Variants in TRIOBP observed in about 807,000 individuals in gnomAD.
TRIOBP encodes TRIO and F-actin-binding protein.
In TRIOBP, 169 loss-of-function variants were observed where a neutral mutation model predicts 238.8. The ratio of observed to expected loss-of-function variants is 0.71; its 90% CI spans 0.62 to 0.80. The LOEUF is 0.80. TRIOBP is among the 30% of genes least tolerant of loss of function. The probability of loss-of-function intolerance (pLI) is 0.00; values close to 1 mark genes in which losing one functional copy is unlikely to be tolerated. For missense variants in TRIOBP, 2,838 were observed against 3,122.6 expected, an observed-to-expected ratio of 0.91 and a Z score of 2.17; for synonymous variants, 1,150 against 1,274.4, an observed-to-expected ratio of 0.90 and a Z score of 2.08.
rs1925873219 is a variant in TRIOBP at position 37,755,538 on chromosome 22, GT to G, written c.5578-11del. On this transcript the variant is annotated splice_polypyrimidine_tract_variant and intron_variant, in intron 14 of 23. Transcript: ENST00000644935. ...GGCCATGTGGCAACCTACCCATGCGGTGGCCTTGCAGACCAAGGATGCTGTC... is the reference window on the plus strand; with the variant it reads ...GGCCATGTGGCAACCTACCCATGCGGGGCCTTGCAGACCAAGGATGCTGTC... The G allele has an allele frequency of 6.2e-7, 1 of 1,612,820 alleles. No homozygotes were observed. The highest frequency in any genetic ancestry group is 8.5e-7 in the Non-Finnish European group (1 of 1,179,134).
In TRIOBP at chr22:37,739,528, C is replaced by T. The variant is rs145335779; in HGVS notation, c.5184+809C>T. On this transcript the variant is annotated intron_variant, in intron 10 of 23. Coordinates refer to ENST00000644935, the MANE Select transcript of TRIOBP (RefSeq NM_001039141.3). ...GATGAGGAAATGGAGGCAGGGGAGT[C>T]GTCCCAGGTTATACAGTCAGTGGCT... Among the ~76,000 whole-genome samples the T allele has an allele frequency of 3.3e-5, 5 of 152,304 alleles. No homozygotes were observed. The East Asian group carries it at 7.7e-4, about 24-fold the overall frequency.
intron 6 of TRIOBP, among the ~76,000 whole-genome samples, chr22:37,722,773 T>C (rs572807612): frequency 6.6e-6 from 1 of 152,306 alleles, no homozygotes; most frequent in East Asian, 1.9e-4. Flanking sequence ...TGGATTCTGA[T>C]TGAAGGAAAT....
At chr22:37,720,000 C>CCCCCT (rs1923747483) in intron 6 of TRIOBP, among the ~76,000 whole-genome samples, 1 of 54,348 alleles carries the variant, frequency 1.8e-5, no homozygotes, top group African/African-American at 7.6e-5. Flanking sequence ...CCCCCCCGCC[C>CCCCCT]TTTTTTTTTT....
chr22:37,765,801 G>T lies in TRIOBP; in HGVS notation c.6456G>T (p.Thr2152=). The T allele has an allele frequency of 6.3e-7, 1 of 1,581,328 alleles. No homozygotes were observed. The highest frequency in any genetic ancestry group is 8.5e-7 in the Non-Finnish European group (1 of 1,170,426). Residue 2152 remains threonine, a synonymous_variant, in exon 18 of 24, where the codon ACG becomes ACT. Coordinates refer to ENST00000644935, the MANE Select transcript of TRIOBP (RefSeq NM_001039141.3). ...AGGAGTGGCTCCTGGCTGAGGAGAC[G>T]GCAGCCACGGCCTCAGGTATGGACC... ...QEKEWLLAEE[T]AATASAIEAM... is the part of the protein sequence containing the mutation.
intron 7 of TRIOBP, among the ~76,000 whole-genome samples, chr22:37,729,764 T>G (rs1267310419): frequency 6.6e-6 from 1 of 152,252 alleles, no homozygotes; most frequent in Non-Finnish European, 1.5e-5. Flanking sequence ...GAAGTTTTCA[T>G]AATTTTACTG....
chr22:37,720,207 C>T lies in TRIOBP; in HGVS notation c.629-2978C>T, dbSNP rs897465356. 3.3e-5 allele frequency among the ~76,000 whole-genome samples: 5 copies of T among 151,978 alleles called. No homozygotes were observed. The Middle Eastern group carries it at 0.017, about 517-fold the overall frequency. On this transcript the variant is annotated intron_variant, in intron 6 of 23. Coordinates refer to ENST00000644935, the MANE Select transcript of TRIOBP (RefSeq NM_001039141.3). ...TATTTTTAGTAGAGACGGGGTTTCT[C>T]CATGTTGGTCAGGCTGGTCTCGAAC...
intron 6 of TRIOBP, 85 bp downstream of exon 6, chr22:37,716,019 G>C: frequency 1.3e-5 from 19 of 1,494,138 alleles, no homozygotes; most frequent in Non-Finnish European, 1.7e-5. Flanking sequence ...GGGACTCTGG[G>C]CACGGCTTAC....
At chr22:37,770,334 C>T (rs1210823789) in intron 21 of TRIOBP, among the ~76,000 whole-genome samples, 2 of 150,440 alleles carry the variant, frequency 1.3e-5, no homozygotes, top group Non-Finnish European at 3.0e-5. Flanking sequence ...CCTGTAGTCC[C>T]AGCCACTCCG....
Position 37,726,232 on chromosome 22 carries a change from G to A in TRIOBP, c.3676G>A (p.Ala1226Thr), listed in dbSNP as rs759489376. The change falls in exon 7 of 24, where the codon GCC (alanine) becomes ACC (threonine). Residue 1226 changes from alanine to threonine, a missense_variant. Coordinates refer to ENST00000644935, the MANE Select transcript of TRIOBP (RefSeq NM_001039141.3). ...VCIGHRDAPR[A>T]SSPPRHPPSD... The stretch of plus-strand genomic sequence containing the variant: ...CATCGGGCACCGGGATGCACCCCGA[G>A]CCTCCTCCCCACCCCGCCACCCACC... 3 of 1,609,724 alleles carry A rather than the reference G, an allele frequency of 1.9e-6. No homozygotes were observed. Among genetic ancestry groups the A allele is most frequent in the South Asian group, 2.2e-5 (2 of 90,564 alleles).
intron 14 of TRIOBP, 54 bp downstream of exon 14, chr22:37,755,244 C>T: frequency 2.6e-6 from 4 of 1,559,652 alleles, no homozygotes; most frequent in Non-Finnish European, 3.5e-6. Context: ...CTGGAGGTCC[C>T]TGGGGGAGGT....
At chr22:37,741,631 TACTC>T (rs971913549) in intron 11 of TRIOBP, among the ~76,000 whole-genome samples, 4 of 152,186 alleles carry the variant, frequency 2.6e-5, no homozygotes, top group Admixed American at 2.6e-4. Flanking sequence ...CTGACTCTCT[TACTC>T]ACCGCTGTTG....
chr22:37,730,201 C>T (rs1215069351), intron 7 of TRIOBP, among the ~76,000 whole-genome samples: 1 of 152,162 alleles, frequency 6.6e-6, no homozygotes, highest in South Asian at 2.1e-4. Flanking sequence ...CCCATCTAAG[C>T]TTCCGAAGGA....
At chr22:37,732,034 C>A (rs1924447504) in intron 7 of TRIOBP, among the ~76,000 whole-genome samples, 1 of 152,204 alleles carries the variant, frequency 6.6e-6, no homozygotes, top group African/African-American at 2.4e-5. Context: ...ACAGGGTGGC[C>A]TTTTTCAGGC....
At chr22:37,698,922 C>T (rs1037280473) in intron 2 of TRIOBP, among the ~76,000 whole-genome samples, 2 of 151,938 alleles carry the variant, frequency 1.3e-5, no homozygotes, top group African/African-American at 4.8e-5. Context: ...CCGAAGGGGG[C>T]GGATCACCTG....
In TRIOBP at chr22:37,713,198, C is replaced by T. The variant is rs1923347155; in HGVS notation, c.255-12C>T. The T allele has an allele frequency of 1.2e-6, 2 of 1,610,908 alleles. No individual in the cohort carries two copies. The highest frequency in any genetic ancestry group is 3.4e-5 in the Admixed American group (2 of 59,328). ...ACTCCCCATTACTTTTTGGGTCTGT[C>T]TCCTCTCCCAGGGGCCCATCCCCCT... On this transcript the variant is annotated splice_polypyrimidine_tract_variant and intron_variant, in intron 4 of 23. Coordinates refer to ENST00000644935, the MANE Select transcript of TRIOBP (RefSeq NM_001039141.3).
chr22:37,729,896 G>C (rs1300964003), intron 7 of TRIOBP, among the ~76,000 whole-genome samples: 3 of 152,170 alleles, frequency 2.0e-5, no homozygotes, highest in Admixed American at 6.6e-5. Context: ...GAGCTTATGA[G>C]CGGGTGGCTG....
intron 17 of TRIOBP, among the ~76,000 whole-genome samples, chr22:37,763,537 T>G (rs376307140): frequency 6.6e-6 from 1 of 152,278 alleles, no homozygotes; most frequent in South Asian, 2.1e-4. Flanking sequence ...CAGTCCCTCA[T>G]CTGGTCCTCT....
intron 11 of TRIOBP, among the ~76,000 whole-genome samples, chr22:37,745,156 G>A (rs575254704): frequency 6.6e-5 from 10 of 152,176 alleles, no homozygotes; most frequent in African/African-American, 2.2e-4. Context: ...GAACCACCGC[G>A]CCCGGCAAGG....
chr22:37,743,838 T>TGTGTGTGTGTGTGC (rs1555898392), intron 11 of TRIOBP, among the ~76,000 whole-genome samples: 2 of 120,310 alleles, frequency 1.7e-5, no homozygotes, highest in African/African-American at 7.5e-5. Flanking sequence ...TGTGTGTGTG[T>TGTGTGTGTGTGTGC]GTGTGTGCTG....
Sources: gnomAD v4.1 joint callset for allele counts (sites outside exome capture counted in the v4.1 genomes callset) on GRCh38, gnomAD v4.1.1 for gene constraint, MANE v1.5 for transcripts, NCBI Gene and HGNC (gene_info 2026-07-23, HGNC 2026-07-21) for gene names.